The following PPP1R9A variants were observed in gnomAD, a reference collection of about 807,000 sequenced individuals.
PPP1R9A encodes the protein protein phosphatase 1 regulatory subunit 9A.
Under a neutral mutation model 141.9 loss-of-function variants are expected in PPP1R9A, and 59 were observed. That is an observed-to-expected ratio of 0.42 (90% CI 0.34 to 0.52). The LOEUF (loss-of-function observed/expected upper bound fraction) is 0.52. Among genes scored for constraint, PPP1R9A ranks in the 20% least tolerant of loss-of-function variants. PPP1R9A has a pLI of 0.10. For synonymous variants in PPP1R9A, 500 were observed against 569.7 expected (o/e 0.88, Z 1.74); for missense variants, 1,444 against 1,611.9 (o/e 0.90, Z 1.78).
At chr7:95,015,206 G>A (rs1371349452) in intron 2 of PPP1R9A, among the ~76,000 whole-genome samples, 2 of 130,652 alleles carry the variant, frequency 1.5e-5, no homozygotes, top group Non-Finnish European at 1.7e-5. Context: ...AAATATATAT[G>A]TACACACACG....
intron 7 of PPP1R9A, among the ~76,000 whole-genome samples, chr7:95,224,455 T>C (rs1248098442): frequency 6.6e-6 from 1 of 152,154 alleles, no homozygotes; most frequent in Non-Finnish European, 1.5e-5. Context: ...GTGTTCATCA[T>C]GGTTGATGAC....
intron 7 of PPP1R9A, among the ~76,000 whole-genome samples, chr7:95,206,732 T>A (rs2152893274): frequency 6.6e-6 from 1 of 152,344 alleles, no homozygotes; most frequent in East Asian, 1.9e-4. Flanking sequence ...CAGAACATAC[T>A]TTTCTTGAAC....
chr7:95,258,202 C>T (rs1428347085), intron 12 of PPP1R9A, among the ~76,000 whole-genome samples: 3 of 151,872 alleles, frequency 2.0e-5, no homozygotes, highest in Non-Finnish European at 2.9e-5. Flanking sequence ...TTTTAATGAT[C>T]ACCATTCTAA....
chr7:95,283,909 G>C (rs1463000616), intron 16 of PPP1R9A, 109 bp from the exon 17 acceptor site: 9 of 960,726 alleles, frequency 9.4e-6, no homozygotes, highest in Non-Finnish European at 1.4e-5. Flanking sequence ...CTGTTGAATA[G>C]AACAGTTTCT....
intron 17 of PPP1R9A, among the ~76,000 whole-genome samples, chr7:95,285,336 T>C (rs1805082311): frequency 6.6e-6 from 1 of 152,228 alleles, no homozygotes; most frequent in East Asian, 1.9e-4. Flanking sequence ...GAAGTTTTGA[T>C]AGCAGCACAT....
In PPP1R9A at chr7:95,152,405, A is replaced by G. The variant is rs576442287; in HGVS notation, c.1650-9462A>G. 3.3e-5 allele frequency among the ~76,000 whole-genome samples: 5 copies of G among 152,276 alleles called. No individual in the cohort carries two copies. The East Asian group carries it at 9.6e-4, about 29-fold the overall frequency. On this transcript the variant is annotated intron_variant, in intron 4 of 19. Transcript: ENST00000433360. ...AAAGATCCATGCATTCTTCTTTCTA[A>G]TTTATATTATAAGGCTTTCAAAGTT...
chr7:94,989,007 G>A (rs1801182805), intron 2 of PPP1R9A, among the ~76,000 whole-genome samples: 1 of 151,900 alleles, frequency 6.6e-6, no homozygotes, highest in African/African-American at 2.4e-5. Flanking sequence ...CTAAAACAAT[G>A]GTTATCACAG....
intron 2 of PPP1R9A, among the ~76,000 whole-genome samples, chr7:94,984,675 AT>A (rs1249005263): frequency 2.0e-5 from 3 of 151,924 alleles, no homozygotes; most frequent in African/African-American, 7.3e-5. Context: ...ATCGGTGGTG[AT>A]ATCCCCTTTA....
intron 16 of PPP1R9A, among the ~76,000 whole-genome samples, chr7:95,282,194 G>A (rs854538): frequency 0.42 from 57,069 of 135,764 alleles, 11,174 homozygotes; most frequent in Middle Eastern, 0.6. Context: ...AGCCAGGCAC[G>A]GTGGCACACG....
chr7:95,138,227 C>T (rs138120411), intron 4 of PPP1R9A, among the ~76,000 whole-genome samples: 37 of 152,248 alleles, frequency 2.4e-4, no homozygotes, highest in African/African-American at 7.9e-4. Flanking sequence ...CCACCGCGCC[C>T]GGCCAGCTGA....
intron 4 of PPP1R9A, among the ~76,000 whole-genome samples, chr7:95,131,365 A>C (rs1824573763): frequency 6.6e-6 from 1 of 152,188 alleles, no homozygotes. Flanking sequence ...TGGAACTGTA[A>C]GTCCAATAAA....
chr7:95,016,247 T>C (rs1459605178), intron 2 of PPP1R9A, among the ~76,000 whole-genome samples: 1 of 151,916 alleles, frequency 6.6e-6, no homozygotes, highest in East Asian at 1.9e-4. Context: ...AAAAAAGTTA[T>C]CAATATCAGG....
chr7:94,911,574 G>A (rs1404035900), intron 2 of PPP1R9A, 66 bp downstream of exon 2: 1 of 1,253,192 alleles, frequency 8.0e-7, no homozygotes, highest in Non-Finnish European at 1.1e-6. Flanking sequence ...ATTGTATGTA[G>A]AATAGACTTG....
intron 7 of PPP1R9A, among the ~76,000 whole-genome samples, chr7:95,215,712 C>T (rs994244806): frequency 1.3e-5 from 2 of 152,208 alleles, no homozygotes; most frequent in African/African-American, 4.8e-5. Flanking sequence ...TTGCATTTCT[C>T]TGATGGCCAG....
chr7:95,098,336 G>T (rs1178886894), intron 2 of PPP1R9A: 1 of 151,564 alleles, frequency 6.6e-6, no homozygotes, highest in African/African-American at 2.4e-5. Flanking sequence ...AATACAGTCG[G>T]CATTAACATT....
intron 8 of PPP1R9A, among the ~76,000 whole-genome samples, chr7:95,239,369 C>A (rs751574309): frequency 5.3e-5 from 8 of 152,116 alleles, no homozygotes; most frequent in Non-Finnish European, 1.2e-4. Flanking sequence ...AAGTGTGTAC[C>A]TATTTTTAAC....
intron 2 of PPP1R9A, among the ~76,000 whole-genome samples, chr7:95,023,997 C>T (rs909337211): frequency 6.6e-6 from 1 of 152,128 alleles, no homozygotes. Flanking sequence ...TCTTTGTTTT[C>T]ATTGGTTTCG....
intron 6 of PPP1R9A, among the ~76,000 whole-genome samples, chr7:95,202,391 T>G (rs996246637): frequency 1.1e-4 from 16 of 152,070 alleles, no homozygotes; most frequent in Non-Finnish European, 1.8e-4. Flanking sequence ...CTAAAAGCTG[T>G]AGAATAAAAA....
intron 2 of PPP1R9A, among the ~76,000 whole-genome samples, chr7:94,929,513 A>C (rs1793901569): frequency 1.3e-5 from 2 of 152,192 alleles, no homozygotes; most frequent in Non-Finnish European, 2.9e-5. Flanking sequence ...CAGATCTCAG[A>C]GTATGATTTA....
Sources: gnomAD v4.1 joint callset for allele counts (sites outside exome capture counted in the v4.1 genomes callset) on GRCh38, gnomAD v4.1.1 for gene constraint, MANE v1.5 for transcripts, NCBI Gene and HGNC (gene_info 2026-07-23, HGNC 2026-07-21) for gene names.